Variants in RNF216 observed in about 807,000 individuals in gnomAD.
RNF216 encodes E3 ubiquitin-protein ligase RNF216.
RNF216 carries 72 observed loss-of-function variants against 110.8 expected under a neutral mutation model. The ratio of observed to expected loss-of-function variants is 0.65; its 90% CI spans 0.54 to 0.79. The LOEUF (loss-of-function observed/expected upper bound fraction) is 0.79. Ranked by LOEUF, RNF216 falls within the 30% of genes least tolerant of loss-of-function variation. The pLI is 0.00. For missense variants in RNF216, 1,342 were observed against 1,141.2 expected, an observed-to-expected ratio of 1.18 and a Z score of -2.54; for synonymous variants, 495 against 407.5, an observed-to-expected ratio of 1.21 and a Z score of -2.59.
At chr7:5,734,242 A>G (rs935706628) in intron 5 of RNF216, among the ~76,000 whole-genome samples, 1 of 152,138 alleles carries the variant, frequency 6.6e-6, no homozygotes, top group Non-Finnish European at 1.5e-5. Flanking sequence ...TTCATTGCTA[A>G]GTGGTATAAA....
chr7:5,673,278 G>C (rs970004027), intron 13 of RNF216, among the ~76,000 whole-genome samples: 5 of 152,226 alleles, frequency 3.3e-5, no homozygotes, highest in African/African-American at 9.6e-5. Flanking sequence ...TATCTACCCT[G>C]CCTGCTTACG....
intron 5 of RNF216, among the ~76,000 whole-genome samples, chr7:5,736,894 G>A (rs565793413): frequency 1.9e-4 from 29 of 149,268 alleles, no homozygotes; most frequent in Middle Eastern, 3.5e-3. Flanking sequence ...CAGCCGCCCC[G>A]TCCGGGAAGT....
chr7:5,726,289 T>C (rs1240220157), intron 7 of RNF216, among the ~76,000 whole-genome samples: 2 of 152,138 alleles, frequency 1.3e-5, no homozygotes, highest in East Asian at 3.9e-4. Context: ...AAAACAAAAC[T>C]GTCCAAGCTG....
In RNF216 at chr7:5,624,109, A is replaced by T. The variant is rs765019115; in HGVS notation, c.2399T>A (p.Leu800His). ...AGCCTCCTTCTGGATTTCCTCAATAAGCTTCTCATCATCTTCCTAAAACGC... is the reference window on the plus strand; with the variant it reads ...AGCCTCCTTCTGGATTTCCTCAATATGCTTCTCATCATCTTCCTAAAACGC... ...WTDPTEDDEK[L>H]IEEIQKEAEE... The change falls in exon 16 of 17, where the codon CTT becomes CAT. Residue 800 changes from leucine (L) to histidine (H), a missense_variant. By Grantham distance (99) the Leu-to-His change is moderately conservative. Transcript: ENST00000389902. The surrounding 1 kb of genome is among the most constrained non-coding windows in gnomAD (Gnocchi z 4.4). 5 of 1,613,702 alleles carry T rather than the reference A, an allele frequency of 3.1e-6. No homozygotes were observed. Among genetic ancestry groups the T allele is most frequent in the African/African-American group, 1.3e-5 (1 of 75,024 alleles).
In RNF216 at chr7:5,725,591, C is replaced by T. The variant is rs548110105; in HGVS notation, c.1390-153G>A. On this transcript the variant is annotated intron_variant, in intron 7 of 16. Coordinates refer to ENST00000389902, the MANE Select transcript of RNF216 (RefSeq NM_207111.4). ...GGCAGCTGGGTGCGGTGGCTGACGC[C>T]TGTAATCCCAACACTTTGGGAGGCC... Among the ~76,000 whole-genome samples, 6 of 152,350 alleles carry T rather than the reference C, an allele frequency of 3.9e-5. No homozygotes were observed. In the East Asian group the frequency reaches 1.2e-3, roughly 29 times the overall value.
chr7:5,694,289 A>G (rs146360745), intron 13 of RNF216, among the ~76,000 whole-genome samples: 2 of 152,354 alleles, frequency 1.3e-5, no homozygotes, highest in Admixed American at 1.3e-4. Context: ...CAGTACTTGA[A>G]TCATTCACAC....
intron 1 of RNF216, among the ~76,000 whole-genome samples, chr7:5,773,061 T>G (rs1002698453): frequency 3.3e-5 from 5 of 152,146 alleles, no homozygotes; most frequent in Admixed American, 3.3e-4. Context: ...ATTACAGGCA[T>G]GAGCCACCAT....
chr7:5,692,265 CT>C (rs1791382840), intron 13 of RNF216, among the ~76,000 whole-genome samples: 1 of 152,184 alleles, frequency 6.6e-6, no homozygotes, highest in South Asian at 2.1e-4. Context: ...GCCACTAAGC[CT>C]TTTACTTGTT....
chr7:5,716,083 G>A (rs1291027437), intron 10 of RNF216, among the ~76,000 whole-genome samples: 2 of 151,998 alleles, frequency 1.3e-5, no homozygotes, highest in African/African-American at 4.8e-5. Flanking sequence ...TTAGAAATGG[G>A]GTGCTGCTAT....
At position 5,730,651 on chromosome 7, in the gene RNF216, C is replaced by A. The variant is rs1794031743; in HGVS notation, c.1224+64G>T. On this transcript the variant is annotated intron_variant, in intron 6 of 16. Coordinates refer to ENST00000389902, the MANE Select transcript of RNF216 (RefSeq NM_207111.4). ...TTTCTTCCCACAGAGATAACAACAA[C>A]AACAACAACAACAAAGCACAGCATT... 1.5e-5 allele frequency: 24 copies of A among 1,598,682 alleles called. No homozygotes were observed. The Admixed American group carries it at 2.8e-4, about 19-fold the overall frequency.
At position 5,715,050 on chromosome 7, in the gene RNF216, T is replaced by A. The variant is rs1005222089; in HGVS notation, c.1833+3A>T. On this transcript the variant is annotated splice_donor_region_variant and intron_variant, in intron 11 of 16. Transcript: ENST00000389902. ...TACATGGGACATATTACACAGTTCT[T>A]ACCTTTCCAGATCCAAAGACTGCCT... is the stretch of plus-strand genomic sequence containing the variant. 2 of 1,611,948 alleles carry A rather than the reference T, an allele frequency of 1.2e-6. No homozygotes were observed. The highest frequency in any genetic ancestry group is 3.3e-5 in the Admixed American group (2 of 59,936).
At chr7:5,627,389 C>T (rs1243606946) in intron 15 of RNF216, among the ~76,000 whole-genome samples, 3 of 152,256 alleles carry the variant, frequency 2.0e-5, no homozygotes, top group East Asian at 3.9e-4. Context: ...CACGTCTCTG[C>T]TATGAGCAAC....
At chr7:5,694,043 G>A (rs1791486424) in intron 13 of RNF216, among the ~76,000 whole-genome samples, 1 of 152,152 alleles carries the variant, frequency 6.6e-6, no homozygotes, top group South Asian at 2.1e-4. Context: ...CAGGCATCAT[G>A]GGTTTATTCC....
At chr7:5,718,343 T>C (rs533288333) in intron 9 of RNF216, among the ~76,000 whole-genome samples, 2 of 152,172 alleles carry the variant, frequency 1.3e-5, no homozygotes, top group South Asian at 2.1e-4. Context: ...ATCCTGCCAC[T>C]GCACTCCAGC....
chr7:5,773,131 C>G (rs1796587563), intron 1 of RNF216, among the ~76,000 whole-genome samples: 1 of 152,028 alleles, frequency 6.6e-6, no homozygotes. Context: ...GTTTGGGTCT[C>G]TCATTTGAAA....
chr7:5,772,801 G>A (rs1796566388), intron 1 of RNF216, among the ~76,000 whole-genome samples: 1 of 136,346 alleles, frequency 7.3e-6, no homozygotes, highest in African/African-American at 2.7e-5. Context: ...TTTTGAGACA[G>A]AGTTTCGCTC....
chr7:5,680,395 T>A lies in RNF216; in HGVS notation c.2062-27885A>T, dbSNP rs942773223. ...GTGGGCTTGTCAGCTCACTGGTTAC[T>A]CAACACTTCTTTTTTTGTTGTTGTT... On this transcript the variant is annotated intron_variant, in intron 13 of 16. Transcript: ENST00000389902. The surrounding 1 kb of genome is among the most constrained non-coding windows in gnomAD (Gnocchi z 4.3). The A allele has an allele frequency of 1.3e-5, 2 of 152,188 alleles. No individual in the cohort carries two copies. Among genetic ancestry groups the A allele is most frequent in the Non-Finnish European group, 2.9e-5 (2 of 68,040 alleles). The allele number at this position is 152,188 out of a possible 1,614,324, so 9.4% of individuals were successfully genotyped here. A position where few individuals can be genotyped will look rare whatever the true frequency, so the allele number is the denominator to read the frequency against.
At chr7:5,753,968 C>G (rs968978298) in intron 2 of RNF216, among the ~76,000 whole-genome samples, 2 of 152,010 alleles carry the variant, frequency 1.3e-5, no homozygotes, top group African/African-American at 4.8e-5. Flanking sequence ...GCACTCTAGC[C>G]TGGGTGACAG....
chr7:5,753,726 G>A (rs1221979682), intron 2 of RNF216, among the ~76,000 whole-genome samples: 1 of 152,248 alleles, frequency 6.6e-6, no homozygotes, highest in African/African-American at 2.4e-5. Flanking sequence ...GCCGGGAGCA[G>A]TGGCTCACGC....
Sources: allele counts gnomAD v4.1 joint callset (sites outside exome capture counted in the v4.1 genomes callset), GRCh38; gene constraint gnomAD v4.1.1; non-coding constraint Gnocchi (gnomAD v3.1); transcripts MANE v1.5; gene names NCBI Gene and HGNC (gene_info 2026-07-23, HGNC 2026-07-21).